Variants in ZMYND8 observed in about 807,000 individuals in gnomAD.
ZMYND8 encodes the protein zinc finger MYND-type containing 8.
Under a neutral mutation model 140.8 loss-of-function variants are expected in ZMYND8, and 37 were observed. The observed-to-expected ratio is 0.26, with a 90% CI of 0.20 to 0.35. The LOEUF (loss-of-function observed/expected upper bound fraction) is 0.35. ZMYND8 is among the 10% of genes least tolerant of loss of function. The probability of loss-of-function intolerance (pLI) is 1.00; values close to 1 mark genes in which losing one functional copy is unlikely to be tolerated. For missense variants in ZMYND8, 1,068 were observed against 1,570.0 expected (o/e 0.68, Z 5.40); for synonymous variants, 592 against 597.1 (o/e 0.99, Z 0.12).
At chr20:47,244,243 T>C (rs949529175) in intron 14 of ZMYND8, among the ~76,000 whole-genome samples, 1 of 152,232 alleles carries the variant, frequency 6.6e-6, no homozygotes, top group East Asian at 1.9e-4. Flanking sequence ...TGATAGAAGT[T>C]AGGCACAGTC....
chr20:47,296,296 C>T (rs2077631971), intron 4 of ZMYND8, among the ~76,000 whole-genome samples: 1 of 152,152 alleles, frequency 6.6e-6, no homozygotes, highest in African/African-American at 2.4e-5. Flanking sequence ...TGCCTGGTTC[C>T]CACAACACAA....
intron 11 of ZMYND8, among the ~76,000 whole-genome samples, chr20:47,262,873 T>G (rs1305402925): frequency 1.3e-5 from 2 of 152,174 alleles, no homozygotes; most frequent in African/African-American, 4.8e-5. Context: ...CCACTGCACC[T>G]GCCAGGGACC....
chr20:47,226,148 T>C (rs1231268193), intron 18 of ZMYND8, among the ~76,000 whole-genome samples: 2 of 131,612 alleles, frequency 1.5e-5, no homozygotes, highest in East Asian at 4.0e-4. Flanking sequence ...TGAGACTCTG[T>C]CTTAAAAAAA....
At chr20:47,331,088 G>A (rs576667637) in intron 2 of ZMYND8, among the ~76,000 whole-genome samples, 2 of 152,300 alleles carry the variant, frequency 1.3e-5, no homozygotes, top group South Asian at 4.1e-4. Flanking sequence ...AGAGAGAACG[G>A]AACACGGAGA....
intron 12 of ZMYND8, among the ~76,000 whole-genome samples, chr20:47,250,010 C>A (rs947462012): frequency 2.0e-5 from 3 of 152,170 alleles, no homozygotes. Context: ...GATAGGCAGA[C>A]CTTCCAGCCA....
At chr20:47,285,911 C>T in intron 8 of ZMYND8, 2 of 912,056 alleles carry the variant, frequency 2.2e-6, no homozygotes, top group Non-Finnish European at 2.6e-6. Context: ...CAGACATAAG[C>T]CGGGCTTGGT....
In ZMYND8 at chr20:47,351,626, T is replaced by C. The variant is rs541796062; in HGVS notation, c.15-3700A>G. 6.0e-4 allele frequency: 580 copies of C among 970,622 alleles called. No homozygotes were observed. The Middle Eastern group carries it at 8.5e-3, about 14-fold the overall frequency. The allele number at this position is 970,622 out of a possible 1,614,324, so 60.1% of individuals were successfully genotyped here. Reference sequence around the variant, plus strand: ...TAGTGAACATCAAAATTAAAAACCATGCTTCCCTAAATCTACAATTAATTT... The same window carrying C: ...TAGTGAACATCAAAATTAAAAACCACGCTTCCCTAAATCTACAATTAATTT... On this transcript the variant is annotated intron_variant, in intron 1 of 22. Transcript: ENST00000471951.
Position 47,210,167 on chromosome 20 carries a change from A to AACCT in ZMYND8, c.*593_*594insAGGT. The AACCT allele has an allele frequency of 6.5e-6, 1 of 152,928 alleles. No homozygotes were observed. Among genetic ancestry groups the AACCT allele is most frequent in the South Asian group, 2.1e-4 (1 of 4,828 alleles). The allele number at this position is 152,928 out of a possible 1,614,324, so 9.5% of individuals were successfully genotyped here. A position where few individuals can be genotyped will look rare whatever the true frequency, so the allele number is the denominator to read the frequency against. ...AGAGCTTGCGTTTTAGGAACGTGGT[A>AACCT]ACGTAGTAGCTGAAAGGAGCCAACG... On this transcript the variant is annotated 3_prime_UTR_variant, in exon 23 of 23. Coordinates refer to ENST00000471951, the MANE Select transcript of ZMYND8 (RefSeq NM_001281775.3).
chr20:47,238,020 C>T (rs1337210588), intron 15 of ZMYND8: 1 of 152,270 alleles, frequency 6.6e-6, no homozygotes, highest in East Asian at 1.9e-4. Context: ...TCGCTATCAA[C>T]TTCTCGCACT....
chr20:47,220,211 C>T, intron 21 of ZMYND8, 47 bp downstream of exon 21: 1 of 1,487,926 alleles, frequency 6.7e-7, no homozygotes, highest in Non-Finnish European at 9.2e-7. Flanking sequence ...CCCCATCTGC[C>T]CATCTGAAAT....
chr20:47,261,666 G>T (rs962302625), intron 12 of ZMYND8, among the ~76,000 whole-genome samples: 1 of 152,086 alleles, frequency 6.6e-6, no homozygotes, highest in Non-Finnish European at 1.5e-5. Flanking sequence ...GCTGCACATA[G>T]GAAAGGTAAG....
intron 21 of ZMYND8, among the ~76,000 whole-genome samples, chr20:47,219,657 G>A (rs2036653494): frequency 1.3e-5 from 2 of 152,028 alleles, no homozygotes; most frequent in Non-Finnish European, 2.9e-5. Context: ...ACCCAAAACT[G>A]CTTTAAGAAA....
At chr20:47,343,605 G>C (rs558166008) in intron 2 of ZMYND8, among the ~76,000 whole-genome samples, 2 of 152,128 alleles carry the variant, frequency 1.3e-5, no homozygotes, top group East Asian at 3.9e-4. Flanking sequence ...TCCGCCTCTC[G>C]GGTTCAAGTG....
intron 3 of ZMYND8, among the ~76,000 whole-genome samples, chr20:47,305,989 C>G (rs551847718): frequency 6.6e-6 from 1 of 152,338 alleles, no homozygotes; most frequent in Admixed American, 6.5e-5. Context: ...CAGGCATTCT[C>G]AAACCTTCCT....
intron 16 of ZMYND8, among the ~76,000 whole-genome samples, chr20:47,230,284 G>GC (rs1555886037): frequency 6.7e-6 from 1 of 150,152 alleles, no homozygotes; most frequent in Non-Finnish European, 1.5e-5. Context: ...GATGTGTGGT[G>GC]TTTTTTTTGT....
intron 18 of ZMYND8, among the ~76,000 whole-genome samples, chr20:47,225,095 C>T (rs556084846): frequency 2.7e-5 from 4 of 148,308 alleles, no homozygotes; most frequent in Non-Finnish European, 4.4e-5. Flanking sequence ...AGACCTCAGG[C>T]GTGCTTTCTT....
chr20:47,276,144 G>A lies in ZMYND8; in HGVS notation c.1480+170C>T, dbSNP rs183613431. On this transcript the variant is annotated intron_variant, in intron 11 of 22. Coordinates refer to ENST00000471951, the MANE Select transcript of ZMYND8 (RefSeq NM_001281775.3). ...TTGGGGACACTTTTCTCATTTCTGG[G>A]TTACTAGCAGCAAGAACTCCACTGG... Among the ~76,000 whole-genome samples, 604 of 152,234 alleles carry A rather than the reference G, an allele frequency of 4.0e-3. 2 individuals carry two copies. Among genetic ancestry groups the A allele is most frequent in the African/African-American group, 0.013 (552 of 41,544 alleles).
At chr20:47,255,021 G>A (rs1292651101) in intron 12 of ZMYND8, among the ~76,000 whole-genome samples, 1 of 152,256 alleles carries the variant, frequency 6.6e-6, no homozygotes, top group African/African-American at 2.4e-5. Flanking sequence ...GCGCGCGCCT[G>A]TAATCCCAGC....
chr20:47,251,031 G>A (rs1319824953), intron 12 of ZMYND8, among the ~76,000 whole-genome samples: 1 of 136,502 alleles, frequency 7.3e-6, no homozygotes, highest in Non-Finnish European at 1.5e-5. Context: ...TTTTTTTTTT[G>A]AAGGAAAAAA....
Sources: gnomAD v4.1 joint callset for allele counts (sites outside exome capture counted in the v4.1 genomes callset) on GRCh38, gnomAD v4.1.1 for gene constraint, MANE v1.5 for transcripts, NCBI Gene and HGNC (gene_info 2026-07-23, HGNC 2026-07-21) for gene names.